Variants in CCNJL observed in about 807,000 individuals in gnomAD.
CCNJL encodes the protein cyclin J like.
A neutral mutation model predicts 33.4 loss-of-function variants in CCNJL; 33 were observed. The ratio of observed to expected loss-of-function variants is 0.99; its 90% CI spans 0.75 to 1.32. The LOEUF (loss-of-function observed/expected upper bound fraction) is 1.32. CCNJL is among the 40% of genes most tolerant of loss of function. CCNJL has a pLI of 0.00. For missense variants in CCNJL, 512 were observed against 499.7 expected, an observed-to-expected ratio of 1.02 and a Z score of -0.23; for synonymous variants, 227 against 220.9, an observed-to-expected ratio of 1.03 and a Z score of -0.24.
intron 3 of CCNJL, chr5:160,276,486 C>T (rs1195575544): frequency 6.6e-6 from 1 of 151,204 alleles, no homozygotes; most frequent in Non-Finnish European, 1.5e-5. Context: ...GATGATCCTT[C>T]AAAATTCTGT....
intron 3 of CCNJL, among the ~76,000 whole-genome samples, chr5:160,261,722 C>T (rs966587062): frequency 6.6e-6 from 1 of 152,150 alleles, no homozygotes; most frequent in African/African-American, 2.4e-5. Flanking sequence ...CCCCCCTTAT[C>T]GGTGTCCTCC....
chr5:160,319,451 G>A (rs1224325256), intron 1 of CCNJL, among the ~76,000 whole-genome samples: 3 of 152,154 alleles, frequency 2.0e-5, no homozygotes, highest in Non-Finnish European at 4.4e-5. Flanking sequence ...ATCACTGAGA[G>A]CAGGCTTCCC....
At chr5:160,297,174 G>A (rs1762771984) in intron 2 of CCNJL, among the ~76,000 whole-genome samples, 2 of 152,204 alleles carry the variant, frequency 1.3e-5, no homozygotes, top group Admixed American at 6.5e-5. Flanking sequence ...CTTCAGCTAT[G>A]CTAAGGGCCT....
chr5:160,257,913 C>T (rs954186871), intron 4 of CCNJL, among the ~76,000 whole-genome samples: 12 of 151,098 alleles, frequency 7.9e-5, no homozygotes, highest in African/African-American at 2.7e-4. Context: ...ATGGCACGAT[C>T]TCGGCTCACT....
intron 2 of CCNJL, among the ~76,000 whole-genome samples, chr5:160,300,258 C>A (rs915726605): frequency 6.6e-6 from 1 of 152,184 alleles, no homozygotes; most frequent in Admixed American, 6.5e-5. Context: ...GCAGCACACA[C>A]TGCAATGCGG....
chr5:160,258,911 G>A (rs2113232237), intron 4 of CCNJL, among the ~76,000 whole-genome samples: 1 of 152,270 alleles, frequency 6.6e-6, no homozygotes, highest in East Asian at 1.9e-4. Context: ...TGGCCAGGAT[G>A]GTCCCGATCT....
At chr5:160,303,744 G>GTGTGTT (rs1489174139) in intron 2 of CCNJL, among the ~76,000 whole-genome samples, 1 of 149,462 alleles carries the variant, frequency 6.7e-6, no homozygotes, top group African/African-American at 2.5e-5. Context: ...GTGTGTGTGT[G>GTGTGTT]TAATAACTCA....
At chr5:160,265,634 C>CAA (rs113307230) in intron 3 of CCNJL, among the ~76,000 whole-genome samples, 99 of 144,112 alleles carry the variant, frequency 6.9e-4, no homozygotes, top group African/African-American at 2.5e-3. Context: ...GACTCCATCT[C>CAA]AAAAAAAAAA....
intron 2 of CCNJL, among the ~76,000 whole-genome samples, chr5:160,284,276 C>T (rs946844443): frequency 6.6e-6 from 1 of 152,106 alleles, no homozygotes; most frequent in Non-Finnish European, 1.5e-5. Flanking sequence ...CACTTGAGCA[C>T]AGGAGGAGGA....
chr5:160,255,865 G>A (rs1032172846), intron 4 of CCNJL, among the ~76,000 whole-genome samples, 157 bp from the exon 5 acceptor site: 1 of 152,122 alleles, frequency 6.6e-6, no homozygotes, highest in Non-Finnish European at 1.5e-5. Context: ...TTCCATTTTT[G>A]AATCTTAACC....
intron 2 of CCNJL, among the ~76,000 whole-genome samples, chr5:160,307,590 A>G (rs532082157): frequency 6.6e-6 from 1 of 152,312 alleles, no homozygotes. Context: ...GGTTACCAGA[A>G]AAACATCACT....
At chr5:160,312,053 G>C in intron 1 of CCNJL, 81 bp from the exon 2 acceptor site, 1 of 868,274 alleles carries the variant, frequency 1.2e-6, no homozygotes, top group Non-Finnish European at 1.8e-6. Flanking sequence ...TCTCGCCCCT[G>C]GCCCCGGGCC....
intron 4 of CCNJL, chr5:160,258,119 T>C (rs1761149787): frequency 3.2e-6 from 1 of 308,644 alleles, no homozygotes. Context: ...GTGCTGGAAT[T>C]ATAAGCATAA....
upstream of CCNJL, among the ~76,000 whole-genome samples, chr5:160,313,934 A>C (rs564098818): frequency 3.9e-4 from 59 of 152,370 alleles, no homozygotes; most frequent in South Asian, 0.012. Flanking sequence ...TGGGAGGCCA[A>C]GGGCAGGCAG....
Position 160,280,758 on chromosome 5 carries a change from GA to G in CCNJL, c.67-21del. 6.5e-7 allele frequency: 1 copy of G among 1,535,500 alleles called. No individual in the cohort carries two copies. Reference sequence around the variant, plus strand: ...CAGTTCCTGGAGGACAGGCGGGGCGGAGGGGTGACGGTCAGGGCTGCCTCCT... The same window carrying G: ...CAGTTCCTGGAGGACAGGCGGGGCGGGGGGTGACGGTCAGGGCTGCCTCCT... On this transcript the variant is annotated intron_variant, in intron 2 of 5. Coordinates refer to ENST00000257536, the MANE Select transcript of CCNJL (RefSeq NM_001308173.3).
At chr5:160,285,451 G>C (rs1314420129) in intron 2 of CCNJL, among the ~76,000 whole-genome samples, 1 of 152,106 alleles carries the variant, frequency 6.6e-6, no homozygotes, top group African/African-American at 2.4e-5. Flanking sequence ...GGGAGGGAGA[G>C]GCAGTAAAGA....
chr5:160,272,691 G>T (rs557406270), intron 3 of CCNJL, among the ~76,000 whole-genome samples: 2 of 152,340 alleles, frequency 1.3e-5, no homozygotes, highest in African/African-American at 4.8e-5. Context: ...CAGTTCCAAA[G>T]GCTCCCACAA....
intron 1 of CCNJL, among the ~76,000 whole-genome samples, chr5:160,334,176 G>A (rs1763654698): frequency 1.3e-5 from 2 of 152,082 alleles, no homozygotes; most frequent in African/African-American, 4.8e-5. Flanking sequence ...TCCATCCATT[G>A]ATCCCTCCAC....
chr5:160,324,109 C>T (rs764640551), intron 1 of CCNJL, among the ~76,000 whole-genome samples: 1 of 152,272 alleles, frequency 6.6e-6, no homozygotes, highest in African/African-American at 2.4e-5. Flanking sequence ...TCAGTCCATT[C>T]GTCTTCTATT....
Sources: gnomAD v4.1 joint callset for allele counts (sites outside exome capture counted in the v4.1 genomes callset) on GRCh38, gnomAD v4.1.1 for gene constraint, MANE v1.5 for transcripts, NCBI Gene and HGNC (gene_info 2026-07-23, HGNC 2026-07-21) for gene names.